BBS7: variants seen among roughly 807,000 people sequenced by gnomAD.
BBS7 encodes BBSome complex member BBS7.
Under a neutral mutation model 90.3 loss-of-function variants are expected in BBS7, and 50 were observed. The observed-to-expected ratio is 0.55, with a 90% CI of 0.44 to 0.70. The LOEUF (loss-of-function observed/expected upper bound fraction) is 0.70, where lower values mean the gene tolerates loss of function less well. Among genes scored for constraint, BBS7 ranks in the 30% least tolerant of loss-of-function variants. The probability of loss-of-function intolerance (pLI) is 0.00; values close to 1 mark genes in which losing one functional copy is unlikely to be tolerated. For missense variants in BBS7, 729 were observed against 838.9 expected, an observed-to-expected ratio of 0.87 and a Z score of 1.62; for synonymous variants, 235 against 287.4, an observed-to-expected ratio of 0.82 and a Z score of 1.85.
At chr4:121,826,504 T>C (rs1724914002) in intron 18 of BBS7, among the ~76,000 whole-genome samples, 3 of 152,230 alleles carry the variant, frequency 2.0e-5, no homozygotes, top group Admixed American at 2.0e-4. Flanking sequence ...AAGCTGTCAA[T>C]CCTTTATCCA....
At chr4:121,832,016 A>ACG (rs1725210781) in intron 15 of BBS7, among the ~76,000 whole-genome samples, 2 of 146,966 alleles carry the variant, frequency 1.4e-5, no homozygotes, top group African/African-American at 5.2e-5. Context: ...AAAAACACAC[A>ACG]CACACACACA....
At chr4:121,859,880 T>C (rs1385832339) in intron 4 of BBS7, among the ~76,000 whole-genome samples, 1 of 152,138 alleles carries the variant, frequency 6.6e-6, no homozygotes, top group Admixed American at 6.5e-5. Flanking sequence ...TTCTAATTCT[T>C]AGACTGAACT....
At chr4:121,834,689 TAC>T (rs1725360855) in intron 14 of BBS7, among the ~76,000 whole-genome samples, 1 of 152,146 alleles carries the variant, frequency 6.6e-6, no homozygotes, top group Non-Finnish European at 1.5e-5. Flanking sequence ...TCTGAAAAAC[TAC>T]AAAGAAGTGG....
rs139506986 is a variant in BBS7, at chr4:121,854,358, T to A, written c.718+346A>T. Among the ~76,000 whole-genome samples the A allele has an allele frequency of 3.0e-4, 46 of 152,272 alleles. 1 individual carries two copies. The East Asian group carries it at 6.5e-3, about 22-fold the overall frequency. ...AGGAATATTCTCTGACCCACTGCAC[T>A]TCTTCTTTGCCTCATAACAAAGACT... is the stretch of plus-strand genomic sequence containing the variant. On this transcript the variant is annotated intron_variant, in intron 7 of 18. Transcript: ENST00000264499.
chr4:121,840,966 T>C (rs976688007), intron 12 of BBS7, among the ~76,000 whole-genome samples: 1 of 151,676 alleles, frequency 6.6e-6, no homozygotes, highest in Non-Finnish European at 1.5e-5. Flanking sequence ...GCCTCCCAAA[T>C]AGCTGGGACT....
chr4:121,827,320 T>C (rs1458629672), intron 18 of BBS7, among the ~76,000 whole-genome samples: 1 of 152,206 alleles, frequency 6.6e-6, no homozygotes, highest in East Asian at 1.9e-4. Context: ...GTGATACCAA[T>C]TGGCTCTACA....
intron 2 of BBS7, 148 bp from the exon 3 acceptor site, chr4:121,863,427 C>A (rs1727092044): frequency 1.5e-6 from 1 of 651,252 alleles, no homozygotes; most frequent in Non-Finnish European, 2.5e-6. Flanking sequence ...AAAAAATAAT[C>A]CTCAAAAGAA....
intron 1 of BBS7, among the ~76,000 whole-genome samples, chr4:121,869,241 A>C (rs4560435): frequency 1.4e-4 from 22 of 152,160 alleles, no homozygotes; most frequent in African/African-American, 5.3e-4. Flanking sequence ...TGTACCATTA[A>C]CTAAAATGAG....
At chr4:121,856,774 GTT>G (rs544291720) in intron 5 of BBS7, among the ~76,000 whole-genome samples, 1 of 144,024 alleles carries the variant, frequency 6.9e-6, no homozygotes, top group East Asian at 2.0e-4. Flanking sequence ...TTGTTTTAAT[GTT>G]TTTTTTTTTT....
At chr4:121,843,349 G>A (rs969106193) in intron 12 of BBS7, among the ~76,000 whole-genome samples, 2 of 152,122 alleles carry the variant, frequency 1.3e-5, no homozygotes, top group African/African-American at 2.4e-5. Context: ...GGCAAGACTA[G>A]AGGCAGAGAA....
intron 2 of BBS7, among the ~76,000 whole-genome samples, chr4:121,865,996 T>G (rs1380892929): frequency 6.6e-6 from 1 of 152,144 alleles, no homozygotes; most frequent in Non-Finnish European, 1.5e-5. Flanking sequence ...TTTTTTCATG[T>G]TTTTTTGGTC....
chr4:121,859,825 T>C (rs1578566148), intron 4 of BBS7, among the ~76,000 whole-genome samples: 1 of 152,238 alleles, frequency 6.6e-6, no homozygotes, highest in East Asian at 1.9e-4. Context: ...AACAAGTTTA[T>C]TTCATATTAC....
At chr4:121,839,843 CA>C (rs1358606270) in intron 12 of BBS7, 147 bp from the exon 13 acceptor site, 4 of 685,502 alleles carry the variant, frequency 5.8e-6, no homozygotes, top group African/African-American at 1.8e-5. Flanking sequence ...CTTACACTTA[CA>C]AAAACTCTAT....
intron 15 of BBS7, among the ~76,000 whole-genome samples, chr4:121,830,060 G>A (rs1210812908): frequency 1.3e-5 from 2 of 152,072 alleles, no homozygotes; most frequent in Non-Finnish European, 2.9e-5. Context: ...TTTTCATTTG[G>A]TTTTCACACA....
At chr4:121,846,055 T>C (rs895403563) in intron 10 of BBS7, among the ~76,000 whole-genome samples, 3 of 152,186 alleles carry the variant, frequency 2.0e-5, no homozygotes, top group African/African-American at 7.2e-5. Flanking sequence ...GAAACTAATA[T>C]TGCAGAACAT....
chr4:121,868,903 C>T (rs990638442), intron 1 of BBS7, among the ~76,000 whole-genome samples: 1 of 151,916 alleles, frequency 6.6e-6, no homozygotes, highest in Non-Finnish European at 1.5e-5. Context: ...CATGATAAAA[C>T]GTTCATATAG....
At chr4:121,834,846 A>G (rs1725370069) in intron 14 of BBS7, among the ~76,000 whole-genome samples, 1 of 152,172 alleles carries the variant, frequency 6.6e-6, no homozygotes, top group African/African-American at 2.4e-5. Context: ...CTATTATACT[A>G]TCTAAAGGTT....
At chr4:121,868,593 A>G (rs1291780251) in intron 1 of BBS7, among the ~76,000 whole-genome samples, 1 of 143,026 alleles carries the variant, frequency 7.0e-6, no homozygotes, top group Non-Finnish European at 1.5e-5. Flanking sequence ...AGGCAGGAGG[A>G]TAACTTGAGT....
At chr4:121,856,487 C>T (rs538468929) in intron 5 of BBS7, among the ~76,000 whole-genome samples, 28 of 152,044 alleles carry the variant, frequency 1.8e-4, no homozygotes, top group African/African-American at 5.1e-4. Context: ...GAGGCCAAGA[C>T]GGGTGGATCA....
Sources: gnomAD v4.1 joint callset for allele counts (sites outside exome capture counted in the v4.1 genomes callset) on GRCh38, gnomAD v4.1.1 for gene constraint, MANE v1.5 for transcripts, NCBI Gene and HGNC (gene_info 2026-07-23, HGNC 2026-07-21) for gene names.